The following CADPS variants were observed in gnomAD, a reference collection of about 807,000 sequenced individuals.
The protein encoded by CADPS is calcium-dependent secretion activator 1.
CADPS carries 57 observed loss-of-function variants against 167.3 expected under a neutral mutation model. The observed-to-expected ratio is 0.34, with a 90% confidence interval of 0.28 to 0.42. CADPS has a LOEUF of 0.42. Among genes scored for constraint, CADPS ranks in the 20% least tolerant of loss-of-function variants. CADPS has a pLI of 1.00. For missense variants in CADPS, 1,414 were observed against 1,738.1 expected (o/e 0.81, Z 3.32); for synonymous variants, 676 against 635.3 (o/e 1.06, Z -0.96).
chr3:62,822,900 C>A (rs2073269690), intron 1 of CADPS, among the ~76,000 whole-genome samples: 1 of 151,660 alleles, frequency 6.6e-6, no homozygotes, highest in Non-Finnish European at 1.5e-5. Flanking sequence ...CACGTCTTGG[C>A]TGATCGGACA....
intron 1 of CADPS, among the ~76,000 whole-genome samples, chr3:62,824,966 C>A (rs1458932924): frequency 2.0e-5 from 3 of 152,132 alleles, no homozygotes; most frequent in Admixed American, 1.3e-4. Flanking sequence ...TACCAACACA[C>A]ACATACACAG....
intron 3 of CADPS, among the ~76,000 whole-genome samples, chr3:62,663,892 G>T (rs1178847164): frequency 5.9e-5 from 9 of 152,144 alleles, no homozygotes; most frequent in Non-Finnish European, 1.2e-4. Flanking sequence ...CATGAAAACT[G>T]GATTGCAACA....
At chr3:62,649,543 C>CTTTTTTTTTTTTTTTTTTTTTTTT (rs369874258) in intron 5 of CADPS, among the ~76,000 whole-genome samples, 1 of 37,786 alleles carries the variant, frequency 2.6e-5, no homozygotes, top group East Asian at 1.2e-3. Context: ...AATATGTGGT[C>CTTTTTTTTTTTTTTTTTTTTTTTT]TTTTTTTTTT....
chr3:62,791,816 C>T (rs2092972068), intron 1 of CADPS, among the ~76,000 whole-genome samples: 1 of 152,190 alleles, frequency 6.6e-6, no homozygotes, highest in Admixed American at 6.5e-5. Flanking sequence ...AGATAGTTTA[C>T]CTCTCTGTTT....
intron 1 of CADPS, among the ~76,000 whole-genome samples, chr3:62,820,563 G>A (rs2094855067): frequency 6.6e-6 from 1 of 152,094 alleles, no homozygotes; most frequent in Non-Finnish European, 1.5e-5. Flanking sequence ...GCTCGGTAAG[G>A]ACAAGGAAGA....
At chr3:62,564,521 T>C (rs901116476) in intron 9 of CADPS, among the ~76,000 whole-genome samples, 3 of 152,132 alleles carry the variant, frequency 2.0e-5, no homozygotes, top group Non-Finnish European at 2.9e-5. Flanking sequence ...CCACAGAATA[T>C]TACAGTTTGT....
At chr3:62,459,775 C>A (rs189642475) in intron 26 of CADPS, among the ~76,000 whole-genome samples, 16 of 152,302 alleles carry the variant, frequency 1.1e-4, no homozygotes, top group Admixed American at 4.6e-4. Flanking sequence ...GCTAACCCCC[C>A]CAGTGTCTAG....
chr3:62,805,824 T>C (rs1412050204), intron 1 of CADPS, among the ~76,000 whole-genome samples: 2 of 151,922 alleles, frequency 1.3e-5, no homozygotes, highest in African/African-American at 4.8e-5. Context: ...GAGAGAGAGG[T>C]TGGAGTATTT....
At chr3:62,762,045 C>G (rs544500146) in intron 2 of CADPS, among the ~76,000 whole-genome samples, 19 of 152,292 alleles carry the variant, frequency 1.2e-4, no homozygotes, top group African/African-American at 4.3e-4. Context: ...GCCTCACCAA[C>G]TTGTTGTTAA....
intron 13 of CADPS, among the ~76,000 whole-genome samples, chr3:62,525,279 G>A (rs2071780264): frequency 6.6e-6 from 1 of 151,994 alleles, no homozygotes; most frequent in African/African-American, 2.4e-5. Flanking sequence ...AAGGAAACAA[G>A]TTCCAAAGTG....
At chr3:62,539,800 A>G (rs1577417123) in intron 11 of CADPS, among the ~76,000 whole-genome samples, 1 of 152,184 alleles carries the variant, frequency 6.6e-6, no homozygotes, top group East Asian at 1.9e-4. Context: ...CATTGATTGG[A>G]AACGGCTTAT....
At chr3:62,742,846 A>C (rs2080582146) in intron 3 of CADPS, among the ~76,000 whole-genome samples, 1 of 152,116 alleles carries the variant, frequency 6.6e-6, no homozygotes, top group African/African-American at 2.4e-5. Context: ...AAAACAGAAA[A>C]CCGACAGAAT....
chr3:62,790,355 G>A lies in CADPS; in HGVS notation c.442-24371C>T, dbSNP rs1165888502. ...ATGAATAAGTACTACTGATACAAGA[G>A]AAATTACTTTATAAATATTGTAGCC... On this transcript the variant is annotated intron_variant, in intron 1 of 29. Transcript: ENST00000383710. Among the ~76,000 whole-genome samples, 7 of 152,172 alleles carry A rather than the reference G, an allele frequency of 4.6e-5. 2 individuals are homozygous for A. In the South Asian group the frequency reaches 1.5e-3, roughly 32 times the overall value.
At chr3:62,599,878 A>AT (rs2059684890) in intron 6 of CADPS, among the ~76,000 whole-genome samples, 1 of 72,558 alleles carries the variant, frequency 1.4e-5, no homozygotes, top group Non-Finnish European at 2.4e-5. Flanking sequence ...AATAATATAT[A>AT]ATATATATAT....
chr3:62,669,959 G>A (rs891684016), intron 3 of CADPS, among the ~76,000 whole-genome samples: 2 of 152,086 alleles, frequency 1.3e-5, no homozygotes, highest in Non-Finnish European at 2.9e-5. Flanking sequence ...GCTTTAAAAG[G>A]TTAAGTAGTT....
chr3:62,694,972 G>C (rs6788343), intron 3 of CADPS, among the ~76,000 whole-genome samples: 50,075 of 151,942 alleles, frequency 0.33, 8,710 homozygotes, highest in African/African-American at 0.44. Context: ...GGGAAGGTCT[G>C]CTCTCACTGT....
chr3:62,453,365 A>G (rs2058308939), intron 26 of CADPS, among the ~76,000 whole-genome samples: 1 of 152,178 alleles, frequency 6.6e-6, no homozygotes, highest in Non-Finnish European at 1.5e-5. Flanking sequence ...AAAGTGATAG[A>G]ATTTTCAATT....
At chr3:62,695,006 T>C (rs2080008847) in intron 3 of CADPS, among the ~76,000 whole-genome samples, 1 of 152,104 alleles carries the variant, frequency 6.6e-6, no homozygotes, top group African/African-American at 2.4e-5. Flanking sequence ...GAATATTGTC[T>C]TCCCATCCTG....
intron 3 of CADPS, among the ~76,000 whole-genome samples, chr3:62,698,521 C>A (rs1180762255): frequency 6.6e-6 from 1 of 152,026 alleles, no homozygotes; most frequent in Non-Finnish European, 1.5e-5. Context: ...GGTCCAGGCA[C>A]ACCAATGTGG....
Sources: allele counts gnomAD v4.1 joint callset (sites outside exome capture counted in the v4.1 genomes callset), GRCh38; gene constraint gnomAD v4.1.1; transcripts MANE v1.5; gene names NCBI Gene and HGNC (gene_info 2026-07-23, HGNC 2026-07-21).